The following RBMS3 variants were observed in gnomAD, a reference collection of about 807,000 sequenced individuals.
RBMS3 encodes the protein RNA binding motif single stranded interacting protein 3.
A neutral mutation model predicts 66.8 loss-of-function variants in RBMS3; 27 were observed. The observed-to-expected ratio is 0.40, with a 90% CI of 0.30 to 0.56. RBMS3 has a LOEUF of 0.56. Among genes scored for constraint, RBMS3 ranks in the 20% least tolerant of loss-of-function variants. RBMS3 has a pLI of 0.40. For missense variants in RBMS3, 513 were observed against 549.5 expected (o/e 0.93, Z 0.66); for synonymous variants, 188 against 183.0 (o/e 1.03, Z -0.22).
intron 4 of RBMS3, among the ~76,000 whole-genome samples, chr3:29,731,255 A>G (rs1158919388): frequency 6.6e-6 from 1 of 152,234 alleles, no homozygotes; most frequent in African/African-American, 2.4e-5. Flanking sequence ...CACTGTGCTT[A>G]CATTATATCC....
intron 1 of RBMS3, among the ~76,000 whole-genome samples, chr3:29,337,562 C>T (rs1476890433): frequency 6.6e-6 from 1 of 151,986 alleles, no homozygotes; most frequent in African/African-American, 2.4e-5. Context: ...AAGAGGATTG[C>T]TTGAGACCAG....
chr3:29,997,219 A>G (rs1373312342), intron 14 of RBMS3, among the ~76,000 whole-genome samples: 1 of 152,188 alleles, frequency 6.6e-6, no homozygotes, highest in Non-Finnish European at 1.5e-5. Flanking sequence ...CTAAACCAGG[A>G]AGAAGTTGAA....
At chr3:29,801,958 A>G (rs1158611446) in intron 6 of RBMS3, among the ~76,000 whole-genome samples, 24 of 152,202 alleles carry the variant, frequency 1.6e-4, no homozygotes, top group Non-Finnish European at 2.9e-5. Flanking sequence ...AGCTGCTATC[A>G]TATTTATTGA....
At chr3:29,475,438 T>A (rs2042910856) in intron 2 of RBMS3, among the ~76,000 whole-genome samples, 2 of 152,006 alleles carry the variant, frequency 1.3e-5, no homozygotes, top group Admixed American at 6.6e-5. Flanking sequence ...TTCGTAGGGA[T>A]GGGGTTTTAC....
At chr3:29,463,143 G>C (rs1212628432) in intron 2 of RBMS3, among the ~76,000 whole-genome samples, 1 of 152,172 alleles carries the variant, frequency 6.6e-6, no homozygotes, top group Non-Finnish European at 1.5e-5. Flanking sequence ...GTGATATTTA[G>C]ACAATATGTG....
At position 29,342,871 on chromosome 3, in the gene RBMS3, A is replaced by G. The variant is rs147707716; in HGVS notation, c.75+61115A>G. ...ATGATTCTAAGTTTATAAGATACAA[A>G]AAAGCCAAATAAATGGAAATTAATG... On this transcript the variant is annotated intron_variant, in intron 1 of 14. Transcript: ENST00000383767. Among the ~76,000 whole-genome samples, 846 of 152,266 alleles carry G rather than the reference A, an allele frequency of 5.6e-3. 7 individuals are homozygous for G. Among genetic ancestry groups the G allele is most frequent in the African/African-American group, 0.02 (816 of 41,570 alleles).
intron 3 of RBMS3, among the ~76,000 whole-genome samples, chr3:29,518,933 A>C (rs1005990279): frequency 5.3e-5 from 8 of 152,226 alleles, no homozygotes; most frequent in Non-Finnish European, 8.8e-5. Flanking sequence ...AATGGGAAGC[A>C]AGTGATTGAA....
chr3:29,842,908 G>A (rs2058695484), intron 6 of RBMS3, among the ~76,000 whole-genome samples: 1 of 152,136 alleles, frequency 6.6e-6, no homozygotes. Flanking sequence ...GAAGGAACAG[G>A]GCCCTACTGA....
chr3:29,503,406 C>T (rs967909754), intron 3 of RBMS3, among the ~76,000 whole-genome samples: 3 of 152,020 alleles, frequency 2.0e-5, no homozygotes, highest in Non-Finnish European at 4.4e-5. Context: ...TTTTTTTCAA[C>T]AGCTATATTC....
chr3:29,631,062 T>G (rs980837116), intron 4 of RBMS3, among the ~76,000 whole-genome samples: 1 of 152,042 alleles, frequency 6.6e-6, no homozygotes, highest in East Asian at 1.9e-4. Flanking sequence ...TTAGCAAAAT[T>G]TGAGTATTTT....
At chr3:29,312,773 T>C (rs1165984509) in intron 1 of RBMS3, among the ~76,000 whole-genome samples, 2 of 151,500 alleles carry the variant, frequency 1.3e-5, no homozygotes, top group East Asian at 1.9e-4. Flanking sequence ...TAAATATGCA[T>C]GTGCCGTGAC....
At chr3:29,524,584 C>T (rs1413533645) in intron 3 of RBMS3, among the ~76,000 whole-genome samples, 4 of 151,654 alleles carry the variant, frequency 2.6e-5, no homozygotes, top group Admixed American at 6.6e-5. Context: ...CGAACCACTG[C>T]GCCCAGCCAA....
chr3:29,624,744 T>A (rs1047770809), intron 4 of RBMS3, among the ~76,000 whole-genome samples: 1 of 152,194 alleles, frequency 6.6e-6, no homozygotes, highest in Admixed American at 6.5e-5. Flanking sequence ...ATAAACATAT[T>A]CTTTGTTTCC....
Position 29,643,819 on chromosome 3 carries a change from C to T in RBMS3, c.399+56614C>T, listed in dbSNP as rs555732620. Among the ~76,000 whole-genome samples, 21 of 152,198 alleles carry T rather than the reference C, an allele frequency of 1.4e-4. No homozygotes were observed. The South Asian group carries it at 3.9e-3, about 29-fold the overall frequency. On this transcript the variant is annotated intron_variant, in intron 4 of 14. Coordinates refer to ENST00000383767, the MANE Select transcript of RBMS3 (RefSeq NM_001003793.3). The stretch of plus-strand genomic sequence containing the variant: ...GTCAAGCTGTAGGTAATATTGATCT[C>T]GTCTCATTTCTGTAATCACAATTTT...
chr3:29,517,319 A>T (rs750127068), intron 3 of RBMS3, among the ~76,000 whole-genome samples: 13,841 of 128,942 alleles, frequency 0.11, 747 homozygotes, highest in South Asian at 0.14. Flanking sequence ...ATATATATAT[A>T]TTTTTTTTTT....
chr3:29,955,806 G>T (rs1422628787), intron 12 of RBMS3, among the ~76,000 whole-genome samples: 2 of 152,042 alleles, frequency 1.3e-5, no homozygotes, highest in Non-Finnish European at 1.5e-5. Flanking sequence ...AATGGACACA[G>T]TGACTTGTAT....
chr3:29,285,943 A>T (rs2032293893), intron 1 of RBMS3, among the ~76,000 whole-genome samples: 1 of 152,152 alleles, frequency 6.6e-6, no homozygotes, highest in Non-Finnish European at 1.5e-5. Context: ...AATCTTGCAG[A>T]GGGAGGGAAT....
chr3:29,401,588 G>C (rs2039812239), intron 1 of RBMS3, among the ~76,000 whole-genome samples: 1 of 152,078 alleles, frequency 6.6e-6, no homozygotes, highest in Admixed American at 6.6e-5. Context: ...GTTATAGCTA[G>C]ACTAGGTTGG....
intron 3 of RBMS3, among the ~76,000 whole-genome samples, chr3:29,528,795 G>A (rs915163850): frequency 2.0e-5 from 3 of 152,138 alleles, no homozygotes; most frequent in East Asian, 1.9e-4. Flanking sequence ...GTGCAATGGC[G>A]TGATCTCGGC....
Sources: gnomAD v4.1 joint callset for allele counts (sites outside exome capture counted in the v4.1 genomes callset) on GRCh38, gnomAD v4.1.1 for gene constraint, MANE v1.5 for transcripts, NCBI Gene and HGNC (gene_info 2026-07-23, HGNC 2026-07-21) for gene names.